RAPGEF5: variants seen among roughly 807,000 people sequenced by gnomAD.
The protein encoded by RAPGEF5 is M-Ras-regulated GEF.
RAPGEF5 carries 65 observed loss-of-function variants against 125.2 expected under a neutral mutation model. The observed-to-expected ratio is 0.52, with a 90% CI of 0.43 to 0.64. The LOEUF (loss-of-function observed/expected upper bound fraction) is 0.64, where lower values mean the gene tolerates loss of function less well. RAPGEF5 is among the 30% of genes least tolerant of loss of function. The probability of loss-of-function intolerance (pLI) is 0.00; values close to 1 mark genes in which losing one functional copy is unlikely to be tolerated. For synonymous variants in RAPGEF5, 391 were observed against 385.9 expected, an observed-to-expected ratio of 1.01 and a Z score of -0.16; for missense variants, 958 against 1,048.1, an observed-to-expected ratio of 0.91 and a Z score of 1.19.
intron 5 of RAPGEF5, among the ~76,000 whole-genome samples, chr7:22,301,834 C>CA (rs1466574371): frequency 2.6e-5 from 4 of 152,096 alleles, no homozygotes; most frequent in Admixed American, 2.6e-4. Flanking sequence ...GACATATTTT[C>CA]ATTTCTCAGG....
chr7:22,136,239 C>A, intron 22 of RAPGEF5, 114 bp from the exon 23 acceptor site: 1 of 713,056 alleles, frequency 1.4e-6, no homozygotes, highest in Non-Finnish European at 2.2e-6. Context: ...AGAGATTCCT[C>A]CTAAGAACAA....
chr7:22,341,813 G>A (rs1784134382), intron 1 of RAPGEF5, among the ~76,000 whole-genome samples: 1 of 152,222 alleles, frequency 6.6e-6, no homozygotes, highest in African/African-American at 2.4e-5. Flanking sequence ...CACCCCTGTG[G>A]CTTTGCAGGG....
At chr7:22,339,475 G>C (rs961829739) in intron 1 of RAPGEF5, among the ~76,000 whole-genome samples, 1 of 152,224 alleles carries the variant, frequency 6.6e-6, no homozygotes, top group Non-Finnish European at 1.5e-5. Context: ...CGAAGTTTTT[G>C]TTGGGGTTTT....
intron 21 of RAPGEF5, among the ~76,000 whole-genome samples, chr7:22,137,466 T>A (rs944315119): frequency 6.6e-6 from 1 of 152,166 alleles, no homozygotes; most frequent in Non-Finnish European, 1.5e-5. Context: ...AATCAATGAA[T>A]TGAAGAGCTC....
rs1361212645 is a variant in RAPGEF5, at chr7:22,177,438, GAA to G, written c.1205-10292_1205-10291del. The stretch of plus-strand genomic sequence containing the variant: ...TTCTAGGGAGCCCCAAATTTGTTTT[GAA>G]CCATATCTATCTGGCCATGCACCAG... On this transcript the variant is annotated intron_variant, in intron 11 of 25. Transcript: ENST00000665637. 6.6e-5 allele frequency among the ~76,000 whole-genome samples: 10 copies of G among 152,244 alleles called. 2 individuals are homozygous for G. The highest frequency in any genetic ancestry group is 2.4e-4 in the African/African-American group (10 of 41,536).
At chr7:22,255,433 A>T (rs1166253823) in intron 7 of RAPGEF5, among the ~76,000 whole-genome samples, 1 of 152,066 alleles carries the variant, frequency 6.6e-6, no homozygotes, top group Non-Finnish European at 1.5e-5. Flanking sequence ...TACCAAAAAA[A>T]AAATTAAAAA....
At chr7:22,348,191 G>A (rs1444103450) in intron 1 of RAPGEF5, among the ~76,000 whole-genome samples, 2 of 152,092 alleles carry the variant, frequency 1.3e-5, no homozygotes, top group Non-Finnish European at 2.9e-5. Context: ...CTTTTGCTGT[G>A]CTATCTTTTG....
intron 25 of RAPGEF5, among the ~76,000 whole-genome samples, chr7:22,123,200 G>C (rs899942714): frequency 1.3e-5 from 2 of 152,140 alleles, no homozygotes; most frequent in African/African-American, 4.8e-5. Flanking sequence ...CACATATCTA[G>C]GGCAGTCAAG....
At chr7:22,301,251 A>C (rs1783191864) in intron 5 of RAPGEF5, among the ~76,000 whole-genome samples, 1 of 152,196 alleles carries the variant, frequency 6.6e-6, no homozygotes, top group South Asian at 2.1e-4. Context: ...CTTCAGTGGA[A>C]TTCGTTATTA....
intron 7 of RAPGEF5, among the ~76,000 whole-genome samples, chr7:22,256,525 AGAGCC>A (rs1300371239): frequency 2.5e-3 from 382 of 152,346 alleles, no homozygotes; most frequent in Admixed American, 5.8e-3. Context: ...AAAATAAAAC[AGAGCC>A]TGGAGGTCCT....
At chr7:22,224,273 T>C (rs1322614900) in intron 8 of RAPGEF5, among the ~76,000 whole-genome samples, 2 of 151,960 alleles carry the variant, frequency 1.3e-5, no homozygotes, top group African/African-American at 4.8e-5. Flanking sequence ...ATCATTAAGA[T>C]GCTCTTTTAA....
chr7:22,205,442 C>A (rs1038688439), intron 9 of RAPGEF5, among the ~76,000 whole-genome samples: 1 of 152,216 alleles, frequency 6.6e-6, no homozygotes, highest in Non-Finnish European at 1.5e-5. Flanking sequence ...AAACCACCCA[C>A]AATTTCCTTC....
At chr7:22,145,023 C>A in intron 20 of RAPGEF5, 21 bp downstream of exon 20, 1 of 1,607,778 alleles carries the variant, frequency 6.2e-7, no homozygotes, top group African/African-American at 1.3e-5. Context: ...AGGAATGGCA[C>A]TTCTCACACT....
intron 9 of RAPGEF5, among the ~76,000 whole-genome samples, chr7:22,211,469 T>C (rs887138455): frequency 1.3e-5 from 2 of 152,240 alleles, no homozygotes; most frequent in African/African-American, 2.4e-5. Context: ...AATGGTGATA[T>C]AGCAGTATAT....
rs1483965203 is a variant in RAPGEF5 at position 22,122,379 on chromosome 7, G to C, written c.*27C>G. On this transcript the variant is annotated 3_prime_UTR_variant, in exon 26 of 26. Transcript: ENST00000665637. ...CATTCCCGTAGCTCAAAGTGCTGCA[G>C]ATACAGGGGAGGTGAGGCAGTGGGG... is the stretch of plus-strand genomic sequence containing the variant. The C allele has an allele frequency of 6.5e-7, 1 of 1,541,258 alleles. No individual in the cohort carries two copies. The highest frequency in any genetic ancestry group is 9.0e-7 in the Non-Finnish European group (1 of 1,115,402).
chr7:22,128,774 A>AGCC (rs1782825542), intron 24 of RAPGEF5, among the ~76,000 whole-genome samples: 1 of 152,148 alleles, frequency 6.6e-6, no homozygotes, highest in South Asian at 2.1e-4. Flanking sequence ...GGAAATGAAG[A>AGCC]GCCCGTGCCT....
chr7:22,303,539 C>T (rs1045904226), intron 5 of RAPGEF5, among the ~76,000 whole-genome samples: 1 of 152,002 alleles, frequency 6.6e-6, no homozygotes, highest in African/African-American at 2.4e-5. Context: ...AAATGGTTTC[C>T]TTGCATTATT....
chr7:22,241,755 C>T lies in RAPGEF5; in HGVS notation c.797-10836G>A, dbSNP rs188027953. Among the ~76,000 whole-genome samples the T allele has an allele frequency of 9.9e-4, 151 of 152,156 alleles. 1 individual carries two copies. The highest frequency in any genetic ancestry group is 2.4e-4 in the Non-Finnish European group (16 of 68,004). On this transcript the variant is annotated intron_variant, in intron 7 of 25. Coordinates refer to ENST00000665637, the MANE Select transcript of RAPGEF5 (RefSeq NM_012294.5). ...TATCTGTGGATGGGATGGTTTTCCT[C>T]GTCAGACCCACCTGCCACTGGGGTA...
intron 6 of RAPGEF5, among the ~76,000 whole-genome samples, chr7:22,286,605 G>A (rs1449008018): frequency 5.9e-5 from 9 of 152,132 alleles, no homozygotes; most frequent in African/African-American, 2.4e-5. Context: ...TCTATTTCCT[G>A]TCTTTGGATG....
Sources: gnomAD v4.1 joint callset for allele counts (sites outside exome capture counted in the v4.1 genomes callset) on GRCh38, gnomAD v4.1.1 for gene constraint, MANE v1.5 for transcripts, NCBI Gene and HGNC (gene_info 2026-07-23, HGNC 2026-07-21) for gene names.